LURAP1L: variants seen among roughly 807,000 people sequenced by gnomAD.
The protein encoded by LURAP1L is leucine rich adaptor protein 1 like, also known as leucine rich adaptor protein 1-like.
A neutral mutation model predicts 13.8 loss-of-function variants in LURAP1L; 12 were observed. The ratio of observed to expected loss-of-function variants is 0.87; its 90% CI spans 0.56 to 1.41. LURAP1L has a LOEUF of 1.41. Among genes scored for constraint, LURAP1L ranks in the 40% most tolerant of loss-of-function variants. The pLI is 0.00. For synonymous variants in LURAP1L, 139 were observed against 119.2 expected, an observed-to-expected ratio of 1.17 and a Z score of -1.08; for missense variants, 375 against 292.9, an observed-to-expected ratio of 1.28 and a Z score of -2.04.
At chr9:12,810,331 C>T (rs187188803) in intron 1 of LURAP1L, among the ~76,000 whole-genome samples, 1 of 152,286 alleles carries the variant, frequency 6.6e-6, no homozygotes, top group East Asian at 1.9e-4. Flanking sequence ...CTAAGGCCTT[C>T]TGCTTCCAGT....
chr9:12,803,355 G>A (rs1430347059), intron 1 of LURAP1L, among the ~76,000 whole-genome samples: 2 of 152,176 alleles, frequency 1.3e-5, no homozygotes, highest in South Asian at 2.1e-4. Flanking sequence ...ATGGGGACAT[G>A]GGAAGATTAG....
chr9:12,810,326 G>A (rs1039225963), intron 1 of LURAP1L, among the ~76,000 whole-genome samples: 2 of 152,090 alleles, frequency 1.3e-5, no homozygotes, highest in Non-Finnish European at 1.5e-5. Context: ...GAAAGCTAAG[G>A]CCTTCTGCTT....
chr9:12,803,638 T>C (rs553090946), intron 1 of LURAP1L, among the ~76,000 whole-genome samples: 1 of 152,340 alleles, frequency 6.6e-6, no homozygotes, highest in South Asian at 2.1e-4. Flanking sequence ...TAAAATTGTC[T>C]ACATTAATTA....
chr9:12,783,772 T>C (rs1367540872), intron 1 of LURAP1L, among the ~76,000 whole-genome samples: 2 of 151,940 alleles, frequency 1.3e-5, no homozygotes, highest in Non-Finnish European at 2.9e-5. Context: ...TTGGGTAGGA[T>C]TGTTCTTCTT....
chr9:12,777,175 T>C, intron 1 of LURAP1L: 1 of 882,434 alleles, frequency 1.1e-6, no homozygotes, highest in Non-Finnish European at 1.4e-6. Context: ...TAGAGTTCTA[T>C]CATTTAGTGA....
At chr9:12,790,566 C>G (rs906375569) in intron 1 of LURAP1L, 3 of 151,574 alleles carry the variant, frequency 2.0e-5, no homozygotes, top group Non-Finnish European at 2.9e-5. Context: ...ATTACTGTAG[C>G]GATTCACTAA....
At chr9:12,800,040 G>A (rs1819563226) in intron 1 of LURAP1L, among the ~76,000 whole-genome samples, 1 of 152,036 alleles carries the variant, frequency 6.6e-6, no homozygotes, top group South Asian at 2.1e-4. Flanking sequence ...TTTTGGGGTA[G>A]TAGCACCTAA....
At chr9:12,788,885 G>A (rs1258227411) in intron 1 of LURAP1L, among the ~76,000 whole-genome samples, 1 of 149,878 alleles carries the variant, frequency 6.7e-6, no homozygotes, top group Admixed American at 6.7e-5. Context: ...AACAAAGCGA[G>A]ACCCTATATC....
chr9:12,789,280 T>C (rs1420147863), intron 1 of LURAP1L, among the ~76,000 whole-genome samples: 1 of 152,190 alleles, frequency 6.6e-6, no homozygotes, highest in Non-Finnish European at 1.5e-5. Flanking sequence ...AGATTCTGTC[T>C]GCTAAATAGT....
chr9:12,789,414 T>C (rs1043300392), intron 1 of LURAP1L, among the ~76,000 whole-genome samples: 8 of 152,190 alleles, frequency 5.3e-5, no homozygotes, highest in African/African-American at 1.9e-4. Flanking sequence ...TCCTATTTCA[T>C]AGAAGGGTGA....
rs188270993 is a variant in LURAP1L at position 12,822,948 on chromosome 9, G to A, written c.*1188G>A. ...ATCTTCCTTCTTATAACTGAGAAATGTTTCACCCAAATTTCCTTTGTTATT... is the reference window on the plus strand; with the variant it reads ...ATCTTCCTTCTTATAACTGAGAAATATTTCACCCAAATTTCCTTTGTTATT... On this transcript the variant is annotated 3_prime_UTR_variant, in exon 2 of 2. Coordinates refer to ENST00000319264, the MANE Select transcript of LURAP1L (RefSeq NM_203403.2). Among the ~76,000 whole-genome samples, 1 of 152,024 alleles carries A rather than the reference G, an allele frequency of 6.6e-6. No individual in the cohort carries two copies. The highest frequency in any genetic ancestry group is 2.4e-5 in the African/African-American group (1 of 41,368).
intron 1 of LURAP1L, among the ~76,000 whole-genome samples, chr9:12,808,560 T>A (rs886807223): frequency 6.6e-6 from 1 of 152,144 alleles, no homozygotes; most frequent in South Asian, 2.1e-4. Context: ...TACTCCACAC[T>A]CTTCTTGCTT....
intron 1 of LURAP1L, among the ~76,000 whole-genome samples, chr9:12,811,753 A>G (rs1324040353): frequency 1.3e-5 from 2 of 152,236 alleles, no homozygotes; most frequent in African/African-American, 4.8e-5. Flanking sequence ...CATAACAAAT[A>G]TCCCAAATCT....
Position 12,811,849 on chromosome 9 carries a change from G to A in LURAP1L, c.313-9537G>A, listed in dbSNP as rs141700386. 3.5e-3 allele frequency among the ~76,000 whole-genome samples: 530 copies of A among 152,262 alleles called. 5 individuals are homozygous for A. Among genetic ancestry groups the A allele is most frequent in the African/African-American group, 0.012 (495 of 41,562 alleles). ...CAGATCAAGTGAAGGCCCCTGGATC[G>A]GGGTCTCTCACAAATCTGCCATCAA... On this transcript the variant is annotated intron_variant, in intron 1 of 1. Coordinates refer to ENST00000319264, the MANE Select transcript of LURAP1L (RefSeq NM_203403.2).
chr9:12,802,542 T>C (rs1255147318), intron 1 of LURAP1L, among the ~76,000 whole-genome samples: 1 of 152,182 alleles, frequency 6.6e-6, no homozygotes, highest in Admixed American at 6.5e-5. Flanking sequence ...GCTGAGCAGA[T>C]ACCAGCTTCA....
At chr9:12,781,046 A>C (rs1317083220) in intron 1 of LURAP1L, among the ~76,000 whole-genome samples, 1 of 152,048 alleles carries the variant, frequency 6.6e-6, no homozygotes, top group African/African-American at 2.4e-5. Context: ...ATCTCAGCTC[A>C]CCGCAACCTC....
chr9:12,805,659 T>C lies in LURAP1L; in HGVS notation c.313-15727T>C, dbSNP rs140968672. 8.0e-3 allele frequency among the ~76,000 whole-genome samples: 1,219 copies of C among 152,326 alleles called. 20 individuals are homozygous for C. Among genetic ancestry groups the C allele is most frequent in the African/African-American group, 0.028 (1,157 of 41,582 alleles). ...AGAATATATTCTCATCATCCTAATA[T>C]AGGTTACCAAGTGATCTTGTCATAA... On this transcript the variant is annotated intron_variant, in intron 1 of 1. Coordinates refer to ENST00000319264, the MANE Select transcript of LURAP1L (RefSeq NM_203403.2).
intron 1 of LURAP1L, chr9:12,814,415 A>G (rs1172323448): frequency 6.6e-6 from 1 of 152,218 alleles, no homozygotes; most frequent in East Asian, 1.9e-4. Context: ...GGTGATTTAT[A>G]GCCGATTGCA....
intron 1 of LURAP1L, among the ~76,000 whole-genome samples, chr9:12,792,288 A>C (rs1361469884): frequency 1.3e-5 from 2 of 152,152 alleles, no homozygotes. Flanking sequence ...TTTTGTTAGA[A>C]GAGGAAAGTG....
Sources: gnomAD v4.1 joint callset for allele counts (sites outside exome capture counted in the v4.1 genomes callset) on GRCh38, gnomAD v4.1.1 for gene constraint, MANE v1.5 for transcripts, NCBI Gene and HGNC (gene_info 2026-07-23, HGNC 2026-07-21) for gene names.